TESK2: variants seen among roughly 807,000 people sequenced by gnomAD.
TESK2 encodes the protein testis associated actin remodelling kinase 2.
In TESK2, 39 loss-of-function variants were observed where a neutral mutation model predicts 57.1. That is an observed-to-expected ratio of 0.68 (90% CI 0.53 to 0.89). The LOEUF is 0.89. Ranked by LOEUF, TESK2 falls within the 40% of genes least tolerant of loss-of-function variation. The pLI is 0.00. For missense variants in TESK2, 646 were observed against 732.1 expected (o/e 0.88, Z 1.36); for synonymous variants, 249 against 267.9 (o/e 0.93, Z 0.69).
chr1:45,372,103 C>T (rs1490630856), intron 4 of TESK2, among the ~76,000 whole-genome samples: 1 of 151,814 alleles, frequency 6.6e-6, no homozygotes, highest in African/African-American at 2.4e-5. Flanking sequence ...AAAAAATTAG[C>T]CAGATGTGGT....
At chr1:45,379,492 C>T (rs749251990) in intron 4 of TESK2, among the ~76,000 whole-genome samples, 2 of 152,102 alleles carry the variant, frequency 1.3e-5, no homozygotes, top group Non-Finnish European at 2.9e-5. Flanking sequence ...TTATAAATAA[C>T]GCATGAGTTT....
At chr1:45,396,100 T>C (rs1002159579) in intron 3 of TESK2, among the ~76,000 whole-genome samples, 26 of 151,628 alleles carry the variant, frequency 1.7e-4, no homozygotes, top group Non-Finnish European at 1.0e-4. Context: ...GGTAAATTTA[T>C]TTTTATTTAT....
chr1:45,435,870 T>C (rs1277358157), intron 2 of TESK2, among the ~76,000 whole-genome samples: 1 of 151,998 alleles, frequency 6.6e-6, no homozygotes, highest in Non-Finnish European at 1.5e-5. Flanking sequence ...TAATATACCA[T>C]GTTCTCAGCA....
intron 4 of TESK2, among the ~76,000 whole-genome samples, chr1:45,380,395 ATT>A (rs1648606715): frequency 6.6e-6 from 1 of 152,174 alleles, no homozygotes; most frequent in Non-Finnish European, 1.5e-5. Context: ...AAACTGCTTG[ATT>A]TTGACGGTAT....
chr1:45,390,747 G>T lies in TESK2; in HGVS notation c.345-4787C>A, dbSNP rs147961532. Among the ~76,000 whole-genome samples, 245 of 148,584 alleles carry T rather than the reference G, an allele frequency of 1.6e-3. 4 individuals carry two copies. In the East Asian group the frequency reaches 0.018, roughly 11 times the overall value. On this transcript the variant is annotated intron_variant, in intron 3 of 10. Transcript: ENST00000372086. ...TGCACCACCACGCCTGGCTAATTTT[G>T]GTATTATTATTATTATTGTTATTGT...
At chr1:45,480,927 G>T (rs1048078289) in intron 1 of TESK2, among the ~76,000 whole-genome samples, 1 of 151,866 alleles carries the variant, frequency 6.6e-6, no homozygotes, top group Non-Finnish European at 1.5e-5. Flanking sequence ...AATGGAGGTT[G>T]CAGTGAGCTG....
At chr1:45,431,075 T>G (rs1650929198) in intron 2 of TESK2, among the ~76,000 whole-genome samples, 1 of 152,208 alleles carries the variant, frequency 6.6e-6, no homozygotes, top group Admixed American at 6.5e-5. Flanking sequence ...AAACCCAACC[T>G]GGCAATCTTC....
At chr1:45,365,905 A>T (rs1647894593) in intron 4 of TESK2, among the ~76,000 whole-genome samples, 1 of 151,496 alleles carries the variant, frequency 6.6e-6, no homozygotes, top group Non-Finnish European at 1.5e-5. Flanking sequence ...TGAACTCCTG[A>T]CCTTGTGATC....
chr1:45,355,512 C>T, intron 4 of TESK2, 63 bp from the exon 5 acceptor site: 1 of 1,545,606 alleles, frequency 6.5e-7, no homozygotes, highest in Non-Finnish European at 8.7e-7. Flanking sequence ...GTGGTGAAAC[C>T]ATTAGAGAGT....
intron 2 of TESK2, among the ~76,000 whole-genome samples, chr1:45,434,743 T>G (rs1651125168): frequency 6.6e-6 from 1 of 152,096 alleles, no homozygotes; most frequent in Non-Finnish European, 1.5e-5. Context: ...ATTCCAAATA[T>G]TAGCCCCTTT....
chr1:45,395,907 C>T (rs76975875), intron 3 of TESK2, among the ~76,000 whole-genome samples: 6 of 152,146 alleles, frequency 3.9e-5, no homozygotes, highest in Admixed American at 2.6e-4. Flanking sequence ...AATATATAAA[C>T]GCTTGTTAGT....
At position 45,434,208 on chromosome 1, in the gene TESK2, G is replaced by A. The variant is rs1651094005; in HGVS notation, c.223-12362C>T. On this transcript the variant is annotated intron_variant, in intron 2 of 10. Transcript: ENST00000372086. ...GAGGTTTCACCATGCTGCCCAGGCT[G>A]GTCTCGAACTCCGGAGCTCAAGCAA... is the stretch of plus-strand genomic sequence containing the variant. Among the ~76,000 whole-genome samples, 3 of 152,132 alleles carry A rather than the reference G, an allele frequency of 2.0e-5. No homozygotes were observed. The South Asian group carries it at 6.2e-4, about 31-fold the overall frequency.
chr1:45,413,076 T>C (rs952779102), intron 3 of TESK2, among the ~76,000 whole-genome samples: 1 of 152,152 alleles, frequency 6.6e-6, no homozygotes, highest in Admixed American at 6.5e-5. Context: ...GAGTGGGGCA[T>C]AGAACTGGGT....
intron 1 of TESK2, among the ~76,000 whole-genome samples, chr1:45,472,249 C>G (rs1652797583): frequency 1.1e-5 from 1 of 88,044 alleles, no homozygotes; most frequent in African/African-American, 5.2e-5. Flanking sequence ...AAGACTCCAT[C>G]TCAAAAAAAA....
intron 1 of TESK2, among the ~76,000 whole-genome samples, chr1:45,460,133 A>C (rs1652271797): frequency 6.6e-6 from 1 of 152,040 alleles, no homozygotes; most frequent in Non-Finnish European, 1.5e-5. Context: ...TGGGATCAAC[A>C]GAAGTCCAAA....
intron 1 of TESK2, among the ~76,000 whole-genome samples, chr1:45,477,549 G>GAGAC (rs933126816): frequency 1.3e-5 from 2 of 150,910 alleles, no homozygotes; most frequent in African/African-American, 4.9e-5. Context: ...TTGAACCTGG[G>GAGAC]AGACGGTGGT....
At chr1:45,398,936 A>G in intron 3 of TESK2, 1 of 423,030 alleles carries the variant, frequency 2.4e-6, no homozygotes, top group Non-Finnish European at 4.6e-6. Flanking sequence ...CTAGGTGAAA[A>G]TGAGCTCTCC....
At position 45,344,963 on chromosome 1, in the gene TESK2, G is replaced by GGTCCC; in HGVS notation, c.1588_1592dup (p.Ser532GlyfsTer15). 6.2e-7 allele frequency: 1 copy of GGTCCC among 1,614,264 alleles called. No homozygotes were observed. The highest frequency in any genetic ancestry group is 8.5e-7 in the Non-Finnish European group (1 of 1,180,054). On this transcript the variant is annotated frameshift_variant, in exon 11 of 11. Transcript: ENST00000372086. LOFTEE classifies it high-confidence loss of function. ...CAGAAGCACCCGCAGGGCATGGACTGGTCCCCTGGGGCCTGGACCCAAAAC... is the reference window on the plus strand; with the variant it reads ...CAGAAGCACCCGCAGGGCATGGACTGGTCCCGTCCCCTGGGGCCTGGACCCAAAAC...
intron 5 of TESK2, among the ~76,000 whole-genome samples, chr1:45,349,753 A>G (rs1187335762): frequency 6.6e-6 from 1 of 152,224 alleles, no homozygotes; most frequent in East Asian, 1.9e-4. Context: ...TTGCCTCTGT[A>G]TCTGTAACCT....
Sources: allele counts gnomAD v4.1 joint callset (sites outside exome capture counted in the v4.1 genomes callset), GRCh38; gene constraint gnomAD v4.1.1; transcripts MANE v1.5; gene names NCBI Gene and HGNC (gene_info 2026-07-23, HGNC 2026-07-21).